Variants in COL1A1 observed in about 807,000 individuals in gnomAD.
COL1A1 encodes the protein collagen alpha-1(I) chain.
Under a neutral mutation model 195.7 loss-of-function variants are expected in COL1A1, and 21 were observed. The observed-to-expected ratio is 0.11, with a 90% confidence interval of 0.08 to 0.15. The LOEUF (loss-of-function observed/expected upper bound fraction) is 0.15, where lower values mean the gene tolerates loss of function less well. COL1A1 is among the 10% of genes least tolerant of loss of function. COL1A1 has a pLI of 1.00. For synonymous variants in COL1A1, 749 were observed against 747.3 expected, an observed-to-expected ratio of 1.00 and a Z score of -0.04; for missense variants, 1,365 against 2,051.0, an observed-to-expected ratio of 0.67 and a Z score of 6.46.
chr17:50,196,913 A>G lies in COL1A1; in HGVS notation c.804+97T>C. 1.2e-5 allele frequency: 17 copies of G among 1,404,722 alleles called. No individual in the cohort carries two copies. The South Asian group carries it at 2.0e-4, about 16-fold the overall frequency. The allele number at this position is 1,404,722 out of a possible 1,614,324, so 87.0% of individuals were successfully genotyped here. ...CTTGGGACTTCTGTAGCTGCCACCC[A>G]CCATGATGCAACTCAGTATCTTTTG... On this transcript the variant is annotated intron_variant, in intron 11 of 50. Coordinates refer to ENST00000225964, the MANE Select transcript of COL1A1 (RefSeq NM_000088.4).
chr17:50,185,011 G>C lies in COL1A1; in HGVS notation c.*491C>G, dbSNP rs898707835. On this transcript the variant is annotated 3_prime_UTR_variant, in exon 51 of 51. Transcript: ENST00000225964. ...GGGCGGGCAGGAGCGGGCTGAGGGT[G>C]GGGGCCACTTGGGTGTTTGAGCATT... 8.5e-6 allele frequency: 2 copies of C among 235,208 alleles called. No homozygotes were observed. Among genetic ancestry groups the C allele is most frequent in the African/African-American group, 2.2e-5 (1 of 45,172 alleles). 14.6% of individuals were successfully genotyped at this position (235,208 alleles called of 1,614,324 possible). A position where few individuals can be genotyped will look rare whatever the true frequency, so the allele number is the denominator to read the frequency against.
At position 50,186,220 on chromosome 17, in the gene COL1A1, T is replaced by A. The variant is rs1906507155; in HGVS notation, c.4005+97A>T. On this transcript the variant is annotated intron_variant, in intron 49 of 50. Transcript: ENST00000225964. This position sits in a 1 kb window ranked among gnomAD's most constrained non-coding sequence, Gnocchi z 5.3. ...CTGCCTCCCAGCCCAGCTCTGTCCA[T>A]CACCCTTAGCAGAGACCTACTCCAG... 1 of 1,562,746 alleles carries A rather than the reference T, an allele frequency of 6.4e-7. No individual in the cohort carries two copies. The highest frequency in any genetic ancestry group is 1.4e-5 in the African/African-American group (1 of 74,026).
intron 11 of COL1A1, 125 bp downstream of exon 11, chr17:50,196,885 T>A (rs2696248): frequency 2.0e-5 from 24 of 1,211,030 alleles, no homozygotes; most frequent in Middle Eastern, 2.6e-4. Context: ...CCACTCTCTG[T>A]CCCTTGGGAC....
In COL1A1 at chr17:50,201,531, G is replaced by T; in HGVS notation, c.-18C>A. On this transcript the variant is annotated 5_prime_UTR_variant, in exon 1 of 51. Coordinates refer to ENST00000225964, the MANE Select transcript of COL1A1 (RefSeq NM_000088.4). ...CTGAACATGTCTAGACCCTAGACAT[G>T]TAGACTCTTTGTGGCTGGGGAGGGG... 1 of 1,603,854 alleles carries T rather than the reference G, an allele frequency of 6.2e-7. No homozygotes were observed. Among genetic ancestry groups the T allele is most frequent in the Non-Finnish European group, 8.5e-7 (1 of 1,176,014 alleles).
rs1907487255 is a variant in COL1A1 at position 50,195,327 on chromosome 17, C to T, written c.1204G>A (p.Ala402Thr). 2.5e-6 allele frequency: 4 copies of T among 1,613,658 alleles called. No homozygotes were observed. The highest frequency in any genetic ancestry group is 3.4e-6 in the Non-Finnish European group (4 of 1,179,912). ...GQPGAKGANGAPGIAGAPGFP... is the reference protein window; with the variant it reads ...GQPGAKGANGTPGIAGAPGFP... ...CCAGGAGCACCAGCAATACCAGGAG[C>T]ACCCTGTGGGAGGCAGACAGCCAGG... Residue 402 changes from alanine to threonine, a missense_variant, in exon 19 of 51, where the codon GCT becomes ACT. Ala to Thr is a moderately conservative substitution (Grantham distance 58). Coordinates refer to ENST00000225964, the MANE Select transcript of COL1A1 (RefSeq NM_000088.4). This position sits in a 1 kb window ranked among gnomAD's most constrained non-coding sequence, Gnocchi z 4.3.
Position 50,186,563 on chromosome 17 carries a change from G to C in COL1A1, c.3815-56C>G. 6.2e-7 allele frequency: 1 copy of C among 1,613,638 alleles called. No homozygotes were observed. The highest frequency in any genetic ancestry group is 8.5e-7 in the Non-Finnish European group (1 of 1,179,682). On this transcript the variant is annotated intron_variant, in intron 48 of 50. Coordinates refer to ENST00000225964, the MANE Select transcript of COL1A1 (RefSeq NM_000088.4). The surrounding 1 kb of genome is among the most constrained non-coding windows in gnomAD (Gnocchi z 5.3). The stretch of plus-strand genomic sequence containing the variant: ...GGAAAGGGAGCAGCCAGCACCATAT[G>C]GTAGGGGCACATATGGGCATGGGGA...
In COL1A1 at chr17:50,201,454, C is replaced by T. The variant is rs1908088846; in HGVS notation, c.60G>A (p.Thr20=). 4 of 1,613,386 alleles carry T rather than the reference C, an allele frequency of 2.5e-6. No homozygotes were observed. Among genetic ancestry groups the T allele is most frequent in the Non-Finnish European group, 3.4e-6 (4 of 1,180,032 alleles). ...CGACTTGGCCTTCCTCTTGGCCGTG[C>T]GTCAGGAGGGCGGTGGCCGCTAAGA... ...LLLLAATALL[T]HGQEEGQVEG... The change falls in exon 1 of 51, where the codon ACG becomes ACA. Residue 20 remains threonine, a synonymous_variant. Coordinates refer to ENST00000225964, the MANE Select transcript of COL1A1 (RefSeq NM_000088.4).
chr17:50,190,903 C>A lies in COL1A1; in HGVS notation c.2257G>T (p.Ala753Ser). Residue 753 changes from alanine to serine, a missense_variant, in exon 33 of 51, where the codon GCT becomes TCT. Around this residue, in one of 5 missense-constraint regions of COL1A1, gnomAD observed 671 missense variants for 1,099.9 expected, o/e 0.61. Coordinates refer to ENST00000225964, the MANE Select transcript of COL1A1 (RefSeq NM_000088.4). This position sits in a 1 kb window ranked among gnomAD's most constrained non-coding sequence, Gnocchi z 4.7. ...GDRGDAGPKG[A>S]DGSPGKDGVR... ...CCATCTTTGCCAGGAGAGCCATCAG[C>A]ACCTTTGGGACCAGCATCACCCTAA... 1 of 1,614,160 alleles carries A rather than the reference C, an allele frequency of 6.2e-7. No individual in the cohort carries two copies. The highest frequency in any genetic ancestry group is 8.5e-7 in the Non-Finnish European group (1 of 1,180,018).
At position 50,199,914 on chromosome 17, in the gene COL1A1, C is replaced by A; in HGVS notation, c.137G>T (p.Arg46Met). ...PPITCVQNGL[R>M]YHDRDVWKPE... Reference sequence around the variant, plus strand: ...TTTCCACACGTCTCGGTCATGGTACCTGAGGCCGTTCTGTACGCAGGTGAT... The same window carrying A: ...TTTCCACACGTCTCGGTCATGGTACATGAGGCCGTTCTGTACGCAGGTGAT... The change falls in exon 2 of 51, where the codon AGG (arginine) becomes ATG (methionine). Residue 46 changes from arginine (R) to methionine (M), a missense_variant. Physicochemically the swap from Arg to Met is moderately conservative, Grantham distance 91. This residue lies in a region of COL1A1 where 194 missense variants were observed against 221.7 expected (regional missense o/e 0.88). Coordinates refer to ENST00000225964, the MANE Select transcript of COL1A1 (RefSeq NM_000088.4). The A allele has an allele frequency of 6.2e-7, 1 of 1,614,216 alleles. No homozygotes were observed. Among genetic ancestry groups the A allele is most frequent in the Non-Finnish European group, 8.5e-7 (1 of 1,180,042 alleles).
At chr17:50,193,780 C>T (rs1598294828) in intron 25 of COL1A1, 163 bp downstream of exon 25, 11 of 728,308 alleles carry the variant, frequency 1.5e-5, no homozygotes, top group Middle Eastern at 3.5e-4. Flanking sequence ...CGTGCCCCGC[C>T]GAGAAGTCTT....
intron 14 of COL1A1, 57 bp downstream of exon 14, chr17:50,196,257 T>C (rs2144580264): frequency 6.2e-7 from 1 of 1,611,526 alleles, no homozygotes; most frequent in East Asian, 2.2e-5. Context: ...GTCCCTAGAG[T>C]TCCTGGGGAG....
chr17:50,196,462 C>T, intron 13 of COL1A1, 22 bp downstream of exon 13: 2 of 1,614,214 alleles, frequency 1.2e-6, no homozygotes, highest in Non-Finnish European at 1.7e-6. Flanking sequence ...CATCCCTGCC[C>T]TCTGGAACTG....
At chr17:50,200,060 C>T (rs766210757) in intron 1 of COL1A1, 113 bp from the exon 2 acceptor site, 2 of 1,173,110 alleles carry the variant, frequency 1.7e-6, no homozygotes, top group South Asian at 2.5e-5. Flanking sequence ...GCCCCTCCCC[C>T]CGTTCTTCTT....
Position 50,188,645 on chromosome 17 carries a change from G to A in COL1A1, c.3100-8C>T, listed in dbSNP as rs1349906648. ...GGTCTCACCACGGTCACCCTGGCGG[G>A]GAGAGCAGGGGAATATGGGTCAGCC... On this transcript the variant is annotated splice_region_variant and splice_polypyrimidine_tract_variant and intron_variant, in intron 42 of 50. Transcript: ENST00000225964. The surrounding 1 kb of genome is among the most constrained non-coding windows in gnomAD (Gnocchi z 5.6). 5 of 1,613,476 alleles carry A rather than the reference G, an allele frequency of 3.1e-6. No individual in the cohort carries two copies. The highest frequency in any genetic ancestry group is 4.2e-6 in the Non-Finnish European group (5 of 1,179,694).
At position 50,189,960 on chromosome 17, in the gene COL1A1, A is replaced by C. The variant is rs1283550847; in HGVS notation, c.2559+41T>G. ...CAAGCCTGGACCCGTCCTGGGTCCC[A>C]GCCCACCAGCCTCGTGGGCACAGAG... is the stretch of plus-strand genomic sequence containing the variant. On this transcript the variant is annotated intron_variant, in intron 36 of 50. Transcript: ENST00000225964. The surrounding 1 kb of genome is among the most constrained non-coding windows in gnomAD (Gnocchi z 5.5). The C allele has an allele frequency of 8.1e-6, 13 of 1,610,598 alleles. No homozygotes were observed. Among genetic ancestry groups the C allele is most frequent in the African/African-American group, 1.3e-5 (1 of 74,654 alleles).
Position 50,186,548 on chromosome 17 carries a change from C to A in COL1A1, c.3815-41G>T, listed in dbSNP as rs200786916. ...GCAAGATGGAGTCAGGGAAAGGGAG[C>A]AGCCAGCACCATATGGTAGGGGCAC... is the stretch of plus-strand genomic sequence containing the variant. On this transcript the variant is annotated intron_variant, in intron 48 of 50. Coordinates refer to ENST00000225964, the MANE Select transcript of COL1A1 (RefSeq NM_000088.4). The surrounding 1 kb of genome is among the most constrained non-coding windows in gnomAD (Gnocchi z 5.3). The A allele has an allele frequency of 1.0e-4, 162 of 1,613,592 alleles. No homozygotes were observed. Among genetic ancestry groups the A allele is most frequent in the Non-Finnish European group, 1.3e-4 (158 of 1,179,702 alleles).
chr17:50,199,115 C>T lies in COL1A1; in HGVS notation c.471+111G>A, dbSNP rs1428464975. 17 of 1,302,482 alleles carry T rather than the reference C, an allele frequency of 1.3e-5. No individual in the cohort carries two copies. The East Asian group carries it at 4.2e-4, about 32-fold the overall frequency. The allele number at this position is 1,302,482 out of a possible 1,614,324, so 80.7% of individuals were successfully genotyped here. A position where few individuals can be genotyped will look rare whatever the true frequency, so the allele number is the denominator to read the frequency against. On this transcript the variant is annotated intron_variant, in intron 5 of 50. Transcript: ENST00000225964. The stretch of plus-strand genomic sequence containing the variant: ...GTATGTGAGAGTTTCCTGTAGGATT[C>T]TTGCAACTTTTCTGTAAGTTTGAAA...
In COL1A1 at chr17:50,195,157, T is replaced by C. The variant is rs1907464752; in HGVS notation, c.1300-57A>G. ...GTCGGGGGCGCTCAGTTGGCCTGCG[T>C]CTTCCTGCTCCCCAGATGAGAGCCG... is the stretch of plus-strand genomic sequence containing the variant. On this transcript the variant is annotated intron_variant, in intron 19 of 50. Transcript: ENST00000225964. The surrounding 1 kb of genome is among the most constrained non-coding windows in gnomAD (Gnocchi z 4.3). 3 of 1,607,786 alleles carry C rather than the reference T, an allele frequency of 1.9e-6. No homozygotes were observed. The highest frequency in any genetic ancestry group is 2.6e-6 in the Non-Finnish European group (3 of 1,174,742).
Position 50,186,928 on chromosome 17 carries a change from C to A in COL1A1, c.3532-6G>T, listed in dbSNP as rs373386837. The A allele has an allele frequency of 1.2e-6, 2 of 1,613,366 alleles. No homozygotes were observed. Among genetic ancestry groups the A allele is most frequent in the Non-Finnish European group, 1.7e-6 (2 of 1,179,760 alleles). On this transcript the variant is annotated splice_region_variant and splice_polypyrimidine_tract_variant and intron_variant, in intron 47 of 50. Transcript: ENST00000225964. This position sits in a 1 kb window ranked among gnomAD's most constrained non-coding sequence, Gnocchi z 5.3. Reference sequence around the variant, plus strand: ...CCAGGAGGGCCGGGGGGACCCTGCACAGAGAGGGAAGAGAGTGGGGATTAC... The same window carrying A: ...CCAGGAGGGCCGGGGGGACCCTGCAAAGAGAGGGAAGAGAGTGGGGATTAC...
Sources: allele counts gnomAD v4.1 joint callset, GRCh38; gene constraint gnomAD v4.1.1; regional missense constraint gnomAD v4.1.1; non-coding constraint Gnocchi (gnomAD v3.1); transcripts MANE v1.5; gene names NCBI Gene and HGNC (gene_info 2026-07-23, HGNC 2026-07-21).